PHKA2: variants seen among roughly 807,000 people sequenced by gnomAD.
The protein encoded by PHKA2 is phosphorylase b kinase regulatory subunit alpha, liver isoform.
A neutral mutation model predicts 102.0 loss-of-function variants in PHKA2; 31 were observed. The ratio of observed to expected loss-of-function variants is 0.30; its 90% CI spans 0.23 to 0.41. The LOEUF (loss-of-function observed/expected upper bound fraction) is 0.41, where lower values mean the gene tolerates loss of function less well. PHKA2 is among the 10% of genes least tolerant of loss of function. The pLI, the probability that PHKA2 is intolerant of heterozygous loss-of-function variation, is 1.00. For missense variants in PHKA2, 858 were observed against 1,023.1 expected (o/e 0.84, Z 2.20); for synonymous variants, 455 against 416.2 (o/e 1.09, Z -1.13).
chrX:18,947,487 G>A (rs972292730), intron 5 of PHKA2, among the ~76,000 whole-genome samples: 1 of 112,242 alleles, frequency 8.9e-6, no homozygotes, highest in African/African-American at 3.2e-5. Flanking sequence ...CTGTGGCCTG[G>A]TTGGGGCGAC....
intron 3 of PHKA2, among the ~76,000 whole-genome samples, chrX:18,951,554 G>A (rs770024158): frequency 7.4e-4 from 82 of 111,079 alleles, no homozygotes; most frequent in Non-Finnish European, 9.6e-4. Context: ...TGTGACACAC[G>A]GTAGATACTC....
At chrX:18,935,761 C>T (rs1289596409) in intron 11 of PHKA2, among the ~76,000 whole-genome samples, 14 of 108,219 alleles carry the variant, frequency 1.3e-4, no homozygotes, top group Admixed American at 3.0e-4. Context: ...TGCCACCATG[C>T]CTGGCTAATT....
At chrX:18,895,498 C>T (rs1227607279) in intron 30 of PHKA2, 3 of 312,749 alleles carry the variant, frequency 9.6e-6, no homozygotes, top group Admixed American at 9.9e-5. Flanking sequence ...GCCCGGGCGG[C>T]TGCGAGGCCC....
chrX:18,899,247 A>T (rs1488923411), intron 28 of PHKA2, 21 bp from the exon 29 acceptor site: 2 of 1,178,374 alleles, frequency 1.7e-6, no homozygotes, highest in Non-Finnish European at 2.3e-6. Context: ...AAAAGAATCC[A>T]CTCAGTTGAC....
intron 1 of PHKA2, among the ~76,000 whole-genome samples, chrX:18,977,839 C>T (rs1158417271): frequency 8.9e-6 from 1 of 112,045 alleles, no homozygotes; most frequent in Non-Finnish European, 1.9e-5. Context: ...AAATGACACA[C>T]ACCTTTTAAA....
intron 1 of PHKA2, among the ~76,000 whole-genome samples, chrX:18,972,220 T>G (rs1473986778): frequency 1.8e-5 from 2 of 112,506 alleles, no homozygotes; most frequent in Non-Finnish European, 3.7e-5. Flanking sequence ...TATTGAATAA[T>G]CTATCCTTTC....
chrX:18,966,249 G>A (rs956782097), intron 1 of PHKA2, among the ~76,000 whole-genome samples: 4 of 109,231 alleles, frequency 3.7e-5, no homozygotes, highest in African/African-American at 1.3e-4. Context: ...CACCACACTC[G>A]GCTAATTTTT....
At chrX:18,902,121 G>A (rs1008384977) in intron 26 of PHKA2, among the ~76,000 whole-genome samples, 4 of 109,156 alleles carry the variant, frequency 3.7e-5, no homozygotes, top group African/African-American at 1.3e-4. Flanking sequence ...GATTACAGGC[G>A]TGAGCCACTG....
intron 19 of PHKA2, among the ~76,000 whole-genome samples, chrX:18,914,857 T>C (rs1308890114): frequency 1.8e-5 from 2 of 111,561 alleles, no homozygotes; most frequent in Non-Finnish European, 3.8e-5. Flanking sequence ...GCCCCACCCA[T>C]GGGCTTGGAG....
At chrX:18,953,054 TAAC>T (rs1200457982) in intron 2 of PHKA2, among the ~76,000 whole-genome samples, 1 of 112,012 alleles carries the variant, frequency 8.9e-6, no homozygotes, top group Non-Finnish European at 1.9e-5. Flanking sequence ...TCATTATAAA[TAAC>T]AACAATAATG....
intron 13 of PHKA2, among the ~76,000 whole-genome samples, chrX:18,927,722 G>C (rs2048235592): frequency 8.9e-6 from 1 of 111,897 alleles, no homozygotes; most frequent in South Asian, 3.7e-4. Flanking sequence ...GCTGCACGTG[G>C]ACTGAAACCT....
intron 4 of PHKA2, among the ~76,000 whole-genome samples, chrX:18,949,631 T>C (rs1255371003): frequency 8.9e-6 from 1 of 112,368 alleles, no homozygotes; most frequent in East Asian, 2.8e-4. Context: ...GAAGAGCTTG[T>C]TATATCACGG....
chrX:18,951,233 T>C lies in PHKA2; in HGVS notation c.325A>G (p.Lys109Glu). 2.5e-6 allele frequency: 3 copies of C among 1,211,760 alleles called. No homozygotes were observed. The highest frequency in any genetic ancestry group is 2.2e-5 in the Admixed American group (1 of 46,074). ...VEKFKHTQST[K>E]DSLHAKYNTA... ...TTGTACTTGGCGTGCAGGCTGTCCT[T>C]GGTGCTCTGAGTGTGTTTGAACTTC... The change falls in exon 4 of 33, where the codon AAG becomes GAG. Residue 109 changes from lysine to glutamate, a missense_variant. Physicochemically the swap from Lys to Glu is moderately conservative, Grantham distance 56. Around this residue, in one of 2 missense-constraint regions of PHKA2, gnomAD observed 187 missense variants for 277.9 expected, o/e 0.67. Transcript: ENST00000379942.
rs1234257412 is a variant in PHKA2, at chrX:18,900,679, A to G, written c.3048T>C (p.Ala1016=). ...EMKQMTRRFS[A]DEQFFSVGQA... ...GGCAAAGGGGTGTCACCTGTTCATC[A>G]GCACTAAACCGCCTAGTCATCTGAA... The change falls in exon 28 of 33, where the codon GCT becomes GCC. Residue 1016 remains alanine (A), a synonymous_variant. Transcript: ENST00000379942. The G allele has an allele frequency of 1.1e-5, 13 of 1,209,075 alleles. No homozygotes were observed. The highest frequency in any genetic ancestry group is 1.3e-5 in the Non-Finnish European group (12 of 892,985).
rs1601685299 is a variant in PHKA2, at chrX:18,893,535, C to G, written c.3658G>C (p.Ala1220Pro). The G allele has an allele frequency of 2.5e-6, 3 of 1,211,582 alleles. No homozygotes were observed. ...GTMTYLTRAV[A>P]SYLQELLPNS... ...GGCAACAATTCCTGCAAATAAGAAG[C>G]CACTGCTCTTGTTAGGTAGGTCATC... Residue 1220 changes from alanine to proline, a missense_variant, in exon 33 of 33, where the codon GCT (alanine) becomes CCT (proline). By Grantham distance (27) the Ala-to-Pro change is conservative. Around this residue, in one of 2 missense-constraint regions of PHKA2, gnomAD observed 671 missense variants for 745.2 expected, o/e 0.90. Coordinates refer to ENST00000379942, the MANE Select transcript of PHKA2 (RefSeq NM_000292.3).
intron 26 of PHKA2, among the ~76,000 whole-genome samples, chrX:18,904,333 G>C (rs1330589597): frequency 8.9e-6 from 1 of 112,069 alleles, no homozygotes; most frequent in African/African-American, 3.2e-5. Flanking sequence ...AAGCCTATTT[G>C]GGCTTCCTAA....
intron 2 of PHKA2, among the ~76,000 whole-genome samples, chrX:18,953,184 T>C (rs562073384): frequency 8.9e-6 from 1 of 112,442 alleles, no homozygotes; most frequent in East Asian, 2.8e-4. Flanking sequence ...ATGATTTTTA[T>C]ATTTCAGTGC....
intron 4 of PHKA2, among the ~76,000 whole-genome samples, chrX:18,950,246 G>A (rs1292659736): frequency 8.9e-6 from 1 of 111,948 alleles, no homozygotes; most frequent in Non-Finnish European, 1.9e-5. Flanking sequence ...CAGAAATGGT[G>A]GTGCTCAAAT....
chrX:18,982,497 T>C (rs1395454244), intron 1 of PHKA2, among the ~76,000 whole-genome samples: 3 of 112,109 alleles, frequency 2.7e-5, no homozygotes, highest in African/African-American at 9.7e-5. Context: ...AAGCCAAACA[T>C]TTCTGATGGG....
Sources: gnomAD v4.1 joint callset for allele counts (sites outside exome capture counted in the v4.1 genomes callset) on GRCh38, gnomAD v4.1.1 for gene constraint, gnomAD v4.1.1 regional missense constraint, MANE v1.5 for transcripts, NCBI Gene and HGNC (gene_info 2026-07-23, HGNC 2026-07-21) for gene names.